EXT2: variants seen among roughly 807,000 people sequenced by gnomAD.
EXT2 encodes exostosin glycosyltransferase 2, also known as exostosin-2.
In EXT2, 53 loss-of-function variants were observed where a neutral mutation model predicts 81.6. The observed-to-expected ratio is 0.65, with a 90% confidence interval of 0.52 to 0.82. EXT2 has a LOEUF of 0.82. Among genes scored for constraint, EXT2 ranks in the 40% least tolerant of loss-of-function variants. The pLI is 0.00. For synonymous variants in EXT2, 320 were observed against 340.0 expected, an observed-to-expected ratio of 0.94 and a Z score of 0.65; for missense variants, 774 against 910.2, an observed-to-expected ratio of 0.85 and a Z score of 1.93.
intron 1 of EXT2, among the ~76,000 whole-genome samples, chr11:44,102,794 A>G (rs1468547939): frequency 6.6e-6 from 1 of 152,060 alleles, no homozygotes; most frequent in Non-Finnish European, 1.5e-5. Context: ...CATGACCATT[A>G]AGGAGACTAA....
intron 4 of EXT2, among the ~76,000 whole-genome samples, chr11:44,119,127 TATATATATATATATATATATATATATA>T (rs1954268336): frequency 3.5e-5 from 1 of 28,822 alleles, no homozygotes; most frequent in Non-Finnish European, 7.0e-5. Context: ...TGGCTATTTA[TATATATATATATATATATATATATATA>T]TATATATATA....
At chr11:44,228,206 T>C (rs1955859312) in intron 10 of EXT2, among the ~76,000 whole-genome samples, 1 of 152,298 alleles carries the variant, frequency 6.6e-6, no homozygotes, top group African/African-American at 2.4e-5. Context: ...ATATGGAGGA[T>C]TTCAACAGTA....
intron 13 of EXT2, among the ~76,000 whole-genome samples, chr11:44,237,490 T>G (rs1170532035): frequency 6.6e-6 from 1 of 152,200 alleles, no homozygotes; most frequent in Non-Finnish European, 1.5e-5. Flanking sequence ...GGTAGTGACA[T>G]ACACTGTCGT....
At chr11:44,167,602 A>G (rs1182388002) in intron 7 of EXT2, among the ~76,000 whole-genome samples, 1 of 152,200 alleles carries the variant, frequency 6.6e-6, no homozygotes, top group African/African-American at 2.4e-5. Flanking sequence ...TAGGAGGAAG[A>G]TAATCTGAAT....
At chr11:44,109,142 G>T in intron 2 of EXT2, 52 bp from the exon 3 acceptor site, 1 of 1,590,286 alleles carries the variant, frequency 6.3e-7, no homozygotes, top group East Asian at 2.2e-5. Flanking sequence ...ACTGACTCTT[G>T]TCTTTTCATA....
intron 2 of EXT2, among the ~76,000 whole-genome samples, chr11:44,108,850 A>G (rs994289794): frequency 6.6e-6 from 1 of 152,200 alleles, no homozygotes; most frequent in Non-Finnish European, 1.5e-5. Flanking sequence ...AGGGTTGCAT[A>G]GTATTCCATT....
chr11:44,139,180 A>G (rs1395868133), intron 7 of EXT2, among the ~76,000 whole-genome samples: 7 of 148,238 alleles, frequency 4.7e-5, no homozygotes, highest in Non-Finnish European at 1.0e-4. Flanking sequence ...GATAAAAATC[A>G]GTGACTCTTT....
At chr11:44,122,792 G>A (rs1465552303) in intron 4 of EXT2, among the ~76,000 whole-genome samples, 2 of 152,180 alleles carry the variant, frequency 1.3e-5, no homozygotes, top group South Asian at 2.1e-4. Context: ...CAGTAAGGAC[G>A]TGGTCAACGT....
At chr11:44,176,767 T>TGTG (rs1955163802) in intron 8 of EXT2, among the ~76,000 whole-genome samples, 1 of 152,034 alleles carries the variant, frequency 6.6e-6, no homozygotes, top group African/African-American at 2.4e-5. Flanking sequence ...TGGGAGTAGG[T>TGTG]GTGGATCTTG....
At chr11:44,199,063 A>G (rs570271511) in intron 9 of EXT2, among the ~76,000 whole-genome samples, 1 of 152,340 alleles carries the variant, frequency 6.6e-6, no homozygotes, top group Non-Finnish European at 1.5e-5. Context: ...AGTAAATAAA[A>G]CAGCTATTTT....
intron 4 of EXT2, among the ~76,000 whole-genome samples, chr11:44,121,978 C>T (rs1175661443): frequency 1.3e-5 from 2 of 152,264 alleles, no homozygotes; most frequent in South Asian, 2.1e-4. Flanking sequence ...CTTCCCCACC[C>T]GACCATGCAG....
In EXT2 at chr11:44,164,467, C is replaced by A. The variant is rs78870327; in HGVS notation, c.1174-7144C>A. ...CTGTTGTTCTTTCCACTATGCCACA[C>A]TGGCTTCTCTTAAATACTTATTATT... On this transcript the variant is annotated intron_variant, in intron 7 of 13. Transcript: ENST00000533608. 5.5e-3 allele frequency among the ~76,000 whole-genome samples: 839 copies of A among 152,326 alleles called. 13 individuals carry two copies. Among genetic ancestry groups the A allele is most frequent in the African/African-American group, 0.019 (795 of 41,562 alleles).
chr11:44,174,337 C>G (rs1955125076), intron 8 of EXT2, among the ~76,000 whole-genome samples: 1 of 152,006 alleles, frequency 6.6e-6, no homozygotes, highest in Non-Finnish European at 1.5e-5. Flanking sequence ...GGAGCCATGC[C>G]TTTGGGAAAC....
chr11:44,200,095 G>T (rs949510264), intron 9 of EXT2, among the ~76,000 whole-genome samples: 3 of 150,950 alleles, frequency 2.0e-5, no homozygotes, highest in Non-Finnish European at 4.4e-5. Context: ...GCTCTGGTCC[G>T]CATGCCAGCA....
chr11:44,202,012 A>T (rs1343227028), intron 9 of EXT2, among the ~76,000 whole-genome samples: 1 of 152,202 alleles, frequency 6.6e-6, no homozygotes, highest in Non-Finnish European at 1.5e-5. Flanking sequence ...TGAGAATTCT[A>T]TTTAGAGTTC....
chr11:44,128,592 G>A (rs1423667265), intron 6 of EXT2, among the ~76,000 whole-genome samples: 1 of 152,230 alleles, frequency 6.6e-6, no homozygotes, highest in Non-Finnish European at 1.5e-5. Context: ...ATGCCAGGAG[G>A]AGGGGGAGAC....
chr11:44,208,556 T>C (rs1955610901), intron 10 of EXT2, among the ~76,000 whole-genome samples: 1 of 152,224 alleles, frequency 6.6e-6, no homozygotes, highest in Admixed American at 6.5e-5. Flanking sequence ...AAAGAAGTAA[T>C]CATTAGAAGA....
chr11:44,135,916 T>A (rs1475163557), intron 7 of EXT2, among the ~76,000 whole-genome samples: 1 of 152,236 alleles, frequency 6.6e-6, no homozygotes, highest in African/African-American at 2.4e-5. Context: ...ACAAAACTGT[T>A]ATTAATGTGG....
intron 5 of EXT2, among the ~76,000 whole-genome samples, chr11:44,126,199 A>G (rs1254959348): frequency 1.3e-5 from 2 of 152,170 alleles, no homozygotes; most frequent in African/African-American, 4.8e-5. Context: ...AGGGGGTTTG[A>G]GGGAGTGAAT....
Sources: allele counts gnomAD v4.1 joint callset (sites outside exome capture counted in the v4.1 genomes callset), GRCh38; gene constraint gnomAD v4.1.1; transcripts MANE v1.5; gene names NCBI Gene and HGNC (gene_info 2026-07-23, HGNC 2026-07-21).